Variants in FASN observed in about 807,000 individuals in gnomAD.
FASN encodes fatty acid synthase, also known as 3-hydroxyacyl-[acyl-carrier-protein] dehydratase.
In FASN, 50 loss-of-function variants were observed where a neutral mutation model predicts 250.0. That is an observed-to-expected ratio of 0.20 (90% CI 0.16 to 0.25). The LOEUF (loss-of-function observed/expected upper bound fraction) is 0.25. Ranked by LOEUF, FASN falls within the 10% of genes least tolerant of loss-of-function variation. The pLI is 1.00. For synonymous variants in FASN, 1,909 were observed against 1,584.0 expected, an observed-to-expected ratio of 1.21 and a Z score of -4.87; for missense variants, 3,031 against 3,498.5, an observed-to-expected ratio of 0.87 and a Z score of 3.37.
Position 82,090,378 on chromosome 17 carries a change from C to A in FASN, c.1867G>T (p.Val623Leu). 6.3e-7 allele frequency: 1 copy of A among 1,585,102 alleles called. No individual in the cohort carries two copies. The highest frequency in any genetic ancestry group is 2.3e-5 in the East Asian group (1 of 43,798). ...AHLPPGAMAA[V>L]GLSWEECKQR... ...GGGGCCCCTCCGGGAGACCTACCCA[C>A]GGCTGCCATGGCGCCCGGCGGGAGA... Residue 623 changes from valine to leucine, a missense_variant, in exon 11 of 43, where the codon GTG becomes TTG. Physicochemically the swap from Val to Leu is conservative, Grantham distance 32. Transcript: ENST00000306749.
Position 82,088,213 on chromosome 17 carries a change from C to A in FASN, c.2688G>T (p.Trp896Cys). 1 of 1,611,742 alleles carries A rather than the reference C, an allele frequency of 6.2e-7. No individual in the cohort carries two copies. The highest frequency in any genetic ancestry group is 8.5e-7 in the Non-Finnish European group (1 of 1,179,982). Residue 896 changes from tryptophan (W) to cysteine (C), a missense_variant, in exon 17 of 43, where the codon TGG becomes TGT. Transcript: ENST00000306749. ...GGCCCAGGGCGCGGGCCAGCGTCTTCCACACTATGCTCAGGTAGCCAGTGG... is the reference window on the plus strand; with the variant it reads ...GGCCCAGGGCGCGGGCCAGCGTCTTACACACTATGCTCAGGTAGCCAGTGG... ...FPATGYLSIV[W>C]KTLARALGLG...
rs1344168773 is a variant in FASN, at chr17:82,093,911, G to A, written c.281-140C>T. ...GGGGGGTCCATCCCAGTGGGACCCT[G>A]GAAGGGGCCTAAGGAGGGTGAGGTG... On this transcript the variant is annotated intron_variant, in intron 3 of 42. Transcript: ENST00000306749. 4.5e-6 allele frequency: 4 copies of A among 891,600 alleles called. No homozygotes were observed. The African/African-American group carries it at 6.8e-5, about 15-fold the overall frequency. 55.2% of individuals were successfully genotyped at this position (891,600 alleles called of 1,614,324 possible). A position where few individuals can be genotyped will look rare whatever the true frequency, so the allele number is the denominator to read the frequency against.
chr17:82,091,080 G>C lies in FASN; in HGVS notation c.1493-11C>G, dbSNP rs2034197087. On this transcript the variant is annotated splice_polypyrimidine_tract_variant and intron_variant, in intron 9 of 42. Coordinates refer to ENST00000306749, the MANE Select transcript of FASN (RefSeq NM_004104.5). ...ACTGTGTGCCCATCCCTGTCCCAGAGAGCACGTCACGAGGCTCAGCCCCAT... is the reference window on the plus strand; with the variant it reads ...ACTGTGTGCCCATCCCTGTCCCAGACAGCACGTCACGAGGCTCAGCCCCAT... The C allele has an allele frequency of 1.2e-6, 2 of 1,609,876 alleles. No homozygotes were observed. Among genetic ancestry groups the C allele is most frequent in the Middle Eastern group, 1.7e-4 (1 of 5,936 alleles).
intron 3 of FASN, chr17:82,094,217 C>T (rs914020687): frequency 7.2e-6 from 2 of 277,512 alleles, no homozygotes; most frequent in Admixed American, 4.8e-5. Flanking sequence ...GATAAGGAAC[C>T]GAGGAGACAA....
Position 82,096,397 on chromosome 17 carries a change from C to T in FASN, c.49G>A (p.Glu17Lys). Residue 17 changes from glutamate to lysine, a missense_variant, in exon 2 of 43, where the codon GAG becomes AAG. Transcript: ENST00000306749. ...AGMSGKLPES[E>K]NLQEFWDNLI... is the part of the protein sequence containing the mutation. The stretch of plus-strand genomic sequence containing the variant: ...TTGTCCCAGAACTCCTGCAAGTTCT[C>T]CGACTCTGGCAGCTTCCCGGACATG... The T allele has an allele frequency of 6.2e-7, 1 of 1,612,912 alleles. No homozygotes were observed. Among genetic ancestry groups the T allele is most frequent in the Non-Finnish European group, 8.5e-7 (1 of 1,180,000 alleles).
intron 11 of FASN, 125 bp downstream of exon 11, chr17:82,090,250 T>C: frequency 1.1e-6 from 1 of 926,130 alleles, no homozygotes; most frequent in Non-Finnish European, 1.6e-6. Context: ...CCGAGCTGGG[T>C]GTCCCCGGGC....
chr17:82,086,147 C>A, intron 22 of FASN, 107 bp downstream of exon 22: 1 of 1,512,106 alleles, frequency 6.6e-7, no homozygotes, highest in Middle Eastern at 2.3e-4. Flanking sequence ...GCCGGCCCCA[C>A]CCACCGCCCA....
Position 82,095,303 on chromosome 17 carries a change from G to C in FASN, c.280+17C>G. ...AGCAGGAGCCCTCGGCGCAGCAGTC[G>C]CGAATGCCCGACCCACCTCCGTCCA... On this transcript the variant is annotated intron_variant, in intron 3 of 42. Transcript: ENST00000306749. 2 of 1,612,402 alleles carry C rather than the reference G, an allele frequency of 1.2e-6. No individual in the cohort carries two copies. Among genetic ancestry groups the C allele is most frequent in the South Asian group, 2.2e-5 (2 of 91,082 alleles).
intron 1 of FASN, 48 bp downstream of exon 1, chr17:82,098,073 A>G (rs910529301): frequency 1.5e-5 from 5 of 326,418 alleles, no homozygotes; most frequent in Non-Finnish European, 2.8e-5. Context: ...CCCCGGGCCC[A>G]GCCCCGACCA....
intron 1 of FASN, 142 bp downstream of exon 1, chr17:82,097,979 A>C: frequency 3.6e-6 from 1 of 276,848 alleles, no homozygotes; most frequent in Non-Finnish European, 6.7e-6. Flanking sequence ...AGACCCGGAC[A>C]GGCCGCCCAG....
At position 82,079,555 on chromosome 17, in the gene FASN, G is replaced by A. The variant is rs1220614909; in HGVS notation, c.7200C>T (p.Ala2400=). 2.2e-5 allele frequency: 36 copies of A among 1,607,106 alleles called. No individual in the cohort carries two copies. The highest frequency in any genetic ancestry group is 1.6e-4 in the Middle Eastern group (1 of 6,082). The change falls in exon 42 of 43, where the codon GCC becomes GCT. Residue 2400 remains alanine, a synonymous_variant. Transcript: ENST00000306749. ...LKGLEERVAA[A]VDLIIKSHQG... is the part of the protein sequence containing the mutation. ...GGTGGCTCTTGATGATCAGGTCCAC[G>A]GCGGCTGCCACACGCTCCTCTAGGC...
At position 82,078,924 on chromosome 17, in the gene FASN, G is replaced by A. The variant is rs2033937189; in HGVS notation, c.*219C>T. ...ACCACCGGCTCTTCACAGACCAGGA[G>A]TCTCCAAGTCGGCAGCTCTGGTGTC... On this transcript the variant is annotated 3_prime_UTR_variant, in exon 43 of 43. Transcript: ENST00000306749. The surrounding 1 kb of genome is among the most constrained non-coding windows in gnomAD (Gnocchi z 5.4). 2 of 633,300 alleles carry A rather than the reference G, an allele frequency of 3.2e-6. No homozygotes were observed. Among genetic ancestry groups the A allele is most frequent in the South Asian group, 1.9e-5 (1 of 52,668 alleles). 39.2% of individuals were successfully genotyped at this position (633,300 alleles called of 1,614,324 possible). A position where few individuals can be genotyped will look rare whatever the true frequency, so the allele number is the denominator to read the frequency against.
In FASN at chr17:82,092,580, G is replaced by C; in HGVS notation, c.904C>G (p.Pro302Ala). The C allele has an allele frequency of 6.2e-7, 1 of 1,607,208 alleles. No homozygotes were observed. Residue 302 changes from proline (P) to alanine (A), a missense_variant, in exon 8 of 43, where the codon CCC (proline) becomes GCC (alanine). Transcript: ENST00000306749. ...CGGGTGATGCCATTCAGCTCCTGGG[G>C]GTCGCCCACCTGTGGGAAACATGGG... Reference protein sequence around the residue: ...AHGTGTKVGDPQELNGITRAL... With the variant: ...AHGTGTKVGDAQELNGITRAL...
In FASN at chr17:82,093,534, TTTC is replaced by T. The variant is rs2034251249; in HGVS notation, c.454+61_454+63del. 9.3e-6 allele frequency: 15 copies of T among 1,608,594 alleles called. No homozygotes were observed. The South Asian group carries it at 1.6e-4, about 18-fold the overall frequency. On this transcript the variant is annotated intron_variant, in intron 4 of 42. Coordinates refer to ENST00000306749, the MANE Select transcript of FASN (RefSeq NM_004104.5). Reference sequence around the variant, plus strand: ...CACGGAGTGAGCCCACGCCACGTGGTTTCTGCTCAGCATGTGGGGACCTGAAGG... The same window carrying T: ...CACGGAGTGAGCCCACGCCACGTGGTTGCTCAGCATGTGGGGACCTGAAGG...
In FASN at chr17:82,090,681, C is replaced by T; in HGVS notation, c.1681-117G>A. ...GCGCCCCATCGACCCTCCCAGGTCT[C>T]CTGATAGGAAAGAAGCCCCTATGGC... On this transcript the variant is annotated intron_variant, in intron 10 of 42. Coordinates refer to ENST00000306749, the MANE Select transcript of FASN (RefSeq NM_004104.5). 4.4e-6 allele frequency: 5 copies of T among 1,126,652 alleles called. No individual in the cohort carries two copies. In the South Asian group the frequency reaches 6.6e-5, roughly 15 times the overall value. The allele number at this position is 1,126,652 out of a possible 1,614,324, so 69.8% of individuals were successfully genotyped here. A position where few individuals can be genotyped will look rare whatever the true frequency, so the allele number is the denominator to read the frequency against.
rs749055518 is a variant in FASN, at chr17:82,093,229, G to A, written c.645C>T (p.Phe215=). Residue 215 remains phenylalanine, a synonymous_variant, in exon 5 of 43, where the codon TTC becomes TTT. Coordinates refer to ENST00000306749, the MANE Select transcript of FASN (RefSeq NM_004104.5). ...CAGCCGCACACTCACCCGCTGTGTC[G>A]AAGGCCTTGCAGGTGCCCTCGGGGC... ...MLSPEGTCKA[F]DTAGNGYCRS... is the part of the protein sequence containing the mutation. The A allele has an allele frequency of 1.6e-5, 25 of 1,582,974 alleles. No homozygotes were observed. The highest frequency in any genetic ancestry group is 3.8e-4 in the Middle Eastern group (2 of 5,200).
rs149774462 is a variant in FASN at position 82,086,074 on chromosome 17, G to T, written c.3732+180C>A. Among the ~76,000 whole-genome samples, 425 of 152,308 alleles carry T rather than the reference G, an allele frequency of 2.8e-3. 2 individuals carry two copies. The highest frequency in any genetic ancestry group is 9.8e-3 in the African/African-American group (407 of 41,562). On this transcript the variant is annotated intron_variant, in intron 22 of 42. Transcript: ENST00000306749. ...GCTGCACCTCTTGGAGCCCACGGGC[G>T]GACCCTCCACGGTGGCTGTGTGGAC... is the stretch of plus-strand genomic sequence containing the variant.
intron 35 of FASN, 53 bp from the exon 36 acceptor site, chr17:82,082,213 C>T (rs1022178678): frequency 2.5e-5 from 40 of 1,601,098 alleles, no homozygotes; most frequent in Admixed American, 3.3e-5. Context: ...GAGCCCCCAA[C>T]GTCCCATCCC....
At position 82,080,804 on chromosome 17, in the gene FASN, C is replaced by A; in HGVS notation, c.6714G>T (p.Gln2238His). 1 of 1,608,512 alleles carries A rather than the reference C, an allele frequency of 6.2e-7. No homozygotes were observed. The highest frequency in any genetic ancestry group is 1.1e-5 in the South Asian group (1 of 90,150). The change falls in exon 39 of 43, where the codon CAG (glutamine) becomes CAT (histidine). Residue 2238 changes from glutamine (Q) to histidine (H), a missense_variant. Transcript: ENST00000306749. ...CCAGGAACAGGGGCCGCTCCGAGCT[C>A]TGCACGGAGTTGAGCCGCATCAGGG... ...GPTLMRLNSV[Q>H]SSERPLFLVH...
Sources: gnomAD v4.1 joint callset for allele counts (sites outside exome capture counted in the v4.1 genomes callset) on GRCh38, gnomAD v4.1.1 for gene constraint, Gnocchi (gnomAD v3.1) non-coding constraint, MANE v1.5 for transcripts, NCBI Gene and HGNC (gene_info 2026-07-23, HGNC 2026-07-21) for gene names.